Variants in FRAS1 observed in about 807,000 individuals in gnomAD.
FRAS1 encodes the protein Fraser extracellular matrix complex subunit 1.
A neutral mutation model predicts 435.2 loss-of-function variants in FRAS1; 290 were observed. That is an observed-to-expected ratio of 0.67 (90% confidence interval 0.61 to 0.73). The LOEUF (loss-of-function observed/expected upper bound fraction) is 0.73. Ranked by LOEUF, FRAS1 falls within the 30% of genes least tolerant of loss-of-function variation. The pLI, the probability that FRAS1 is intolerant of heterozygous loss-of-function variation, is 0.00. For missense variants in FRAS1, 4,860 were observed against 5,001.5 expected (o/e 0.97, Z 0.85); for synonymous variants, 1,800 against 1,851.0 (o/e 0.97, Z 0.71).
At chr4:78,407,967 C>T in intron 31 of FRAS1, 126 bp downstream of exon 31, 1 of 779,942 alleles carries the variant, frequency 1.3e-6, no homozygotes, top group South Asian at 2.4e-5. Flanking sequence ...CGTGTTAGTT[C>T]ATTTTCATGC....
At chr4:78,320,658 T>C (rs958361409) in intron 18 of FRAS1, among the ~76,000 whole-genome samples, 2 of 151,586 alleles carry the variant, frequency 1.3e-5, no homozygotes, top group Non-Finnish European at 1.5e-5. Context: ...CCTCCCTCCT[T>C]CTGTCTCTCT....
intron 50 of FRAS1, among the ~76,000 whole-genome samples, chr4:78,467,661 A>G (rs1205904603): frequency 6.6e-6 from 1 of 152,196 alleles, no homozygotes; most frequent in Non-Finnish European, 1.5e-5. Context: ...TGTTCTCTAT[A>G]GTGGTTGTGC....
rs371485134 is a variant in FRAS1 at position 78,128,878 on chromosome 4, A to G, written c.108+62862A>G. Among the ~76,000 whole-genome samples the G allele has an allele frequency of 6.8e-4, 104 of 152,210 alleles. No individual in the cohort carries two copies. The East Asian group carries it at 0.015, about 22-fold the overall frequency. On this transcript the variant is annotated intron_variant, in intron 2 of 73. Transcript: ENST00000512123. ...GCCTAGGTTTTCTTCTAGGGTTTTTATGGTTTTAGGTCTACCATTTAAGTC... is the reference window on the plus strand; with the variant it reads ...GCCTAGGTTTTCTTCTAGGGTTTTTGTGGTTTTAGGTCTACCATTTAAGTC...
rs145928649 is a variant in FRAS1, at chr4:78,284,372, CAG to C, written c.1256-30_1256-29del. On this transcript the variant is annotated intron_variant, in intron 12 of 73. Coordinates refer to ENST00000512123, the MANE Select transcript of FRAS1 (RefSeq NM_025074.7). ...TAAGAGAAATAATAGATGGAGTTCA[CAG>C]AGTTCTCCCCTTCTTTGTCCTTGAT... is the stretch of plus-strand genomic sequence containing the variant. 5.9e-3 allele frequency: 9,428 copies of C among 1,603,858 alleles called. 487 individuals are homozygous for C. In the African/African-American group the frequency reaches 0.11, roughly 19 times the overall value.
chr4:78,510,453 A>G (rs1560419237), intron 63 of FRAS1, among the ~76,000 whole-genome samples: 1 of 152,224 alleles, frequency 6.6e-6, no homozygotes, highest in Non-Finnish European at 1.5e-5. Flanking sequence ...AAAAAGTTTA[A>G]TGGAAAAATT....
At chr4:78,440,551 G>T (rs113953458) in intron 40 of FRAS1, among the ~76,000 whole-genome samples, 1 of 152,056 alleles carries the variant, frequency 6.6e-6, no homozygotes, top group African/African-American at 2.4e-5. Context: ...CAGATTGTGG[G>T]GTTAGCATAC....
chr4:78,360,073 A>T (rs1452808097), intron 20 of FRAS1, among the ~76,000 whole-genome samples: 1 of 152,186 alleles, frequency 6.6e-6, no homozygotes, highest in East Asian at 1.9e-4. Flanking sequence ...GGATAGAAAA[A>T]GTTAAAGGCT....
chr4:78,441,882 G>T (rs1734673865), intron 41 of FRAS1, among the ~76,000 whole-genome samples: 1 of 152,232 alleles, frequency 6.6e-6, no homozygotes, highest in African/African-American at 2.4e-5. Flanking sequence ...CATCTGCCCT[G>T]AACACTCTGG....
At chr4:78,404,918 C>T (rs923717721) in intron 30 of FRAS1, among the ~76,000 whole-genome samples, 8 of 152,134 alleles carry the variant, frequency 5.3e-5, no homozygotes, top group African/African-American at 1.9e-4. Flanking sequence ...TATTCTAAAT[C>T]GATTCATGTC....
chr4:78,259,703 T>C (rs965564442), intron 6 of FRAS1, among the ~76,000 whole-genome samples: 1 of 147,526 alleles, frequency 6.8e-6, no homozygotes, highest in Non-Finnish European at 1.5e-5. Flanking sequence ...CAGAAGCTCT[T>C]TAGTTTAATG....
chr4:78,177,123 T>A (rs1272826641), intron 2 of FRAS1, among the ~76,000 whole-genome samples: 2 of 150,272 alleles, frequency 1.3e-5, no homozygotes, highest in African/African-American at 4.9e-5. Flanking sequence ...AGTCTTGCTC[T>A]GTTGCCCAGG....
In FRAS1 at chr4:78,450,507, T is replaced by TA. The variant is rs539152497; in HGVS notation, c.6463+174dup. The TA allele has an allele frequency of 7.3e-3, 4,427 of 607,630 alleles. 22 individuals are homozygous for TA. The highest frequency in any genetic ancestry group is 9.9e-3 in the Non-Finnish European group (3,455 of 350,406). The allele number at this position is 607,630 out of a possible 1,614,324, so 37.6% of individuals were successfully genotyped here. ...CTTATTTTTTTTTTCTTTTTGTTTTTAAAAAAGCCCTATCTTTCTTGGTTG... is the reference window on the plus strand; with the variant it reads ...CTTATTTTTTTTTTCTTTTTGTTTTTAAAAAAAGCCCTATCTTTCTTGGTTG... On this transcript the variant is annotated intron_variant, in intron 45 of 73. Transcript: ENST00000512123.
chr4:78,241,620 G>C (rs1329855828), intron 3 of FRAS1, among the ~76,000 whole-genome samples: 1 of 152,078 alleles, frequency 6.6e-6, no homozygotes, highest in Non-Finnish European at 1.5e-5. Flanking sequence ...TGGACATTGA[G>C]GATAACATGA....
At chr4:78,166,931 C>CA (rs1721355918) in intron 2 of FRAS1, among the ~76,000 whole-genome samples, 1 of 152,182 alleles carries the variant, frequency 6.6e-6, no homozygotes. Flanking sequence ...ATTGTCTTTG[C>CA]AAGAGCTGTT....
chr4:78,364,970 C>G (rs956062346), intron 22 of FRAS1, among the ~76,000 whole-genome samples: 1 of 152,180 alleles, frequency 6.6e-6, no homozygotes, highest in African/African-American at 2.4e-5. Context: ...CAATTAACCA[C>G]TAGGCCTCAG....
chr4:78,475,300 G>A, intron 53 of FRAS1, 138 bp from the exon 54 acceptor site: 1 of 797,020 alleles, frequency 1.3e-6, no homozygotes, highest in Non-Finnish European at 2.0e-6. Flanking sequence ...TTTACAGCCT[G>A]GATTCTTAGA....
intron 2 of FRAS1, among the ~76,000 whole-genome samples, chr4:78,086,300 C>T (rs1249304858): frequency 1.3e-5 from 2 of 152,162 alleles, no homozygotes; most frequent in Non-Finnish European, 2.9e-5. Flanking sequence ...ATTTATAGCA[C>T]TGAATGCCCA....
chr4:78,526,950 T>C (rs913719541), intron 70 of FRAS1, among the ~76,000 whole-genome samples: 7 of 152,160 alleles, frequency 4.6e-5, no homozygotes, highest in Non-Finnish European at 8.8e-5. Context: ...TGTTGATGAT[T>C]TCTCCATTTA....
At chr4:78,103,297 A>T (rs2109923080) in intron 2 of FRAS1, among the ~76,000 whole-genome samples, 1 of 152,300 alleles carries the variant, frequency 6.6e-6, no homozygotes. Context: ...TTTCAATTTT[A>T]AAACATACCT....
Sources: allele counts gnomAD v4.1 joint callset (sites outside exome capture counted in the v4.1 genomes callset), GRCh38; gene constraint gnomAD v4.1.1; transcripts MANE v1.5; gene names NCBI Gene and HGNC (gene_info 2026-07-23, HGNC 2026-07-21).